Variants in TREH observed in about 807,000 individuals in gnomAD.
TREH encodes the protein alpha,alpha-trehalose glucohydrolase.
Under a neutral mutation model 80.5 loss-of-function variants are expected in TREH, and 69 were observed. The observed-to-expected ratio is 0.86, with a 90% CI of 0.71 to 1.05. The LOEUF (loss-of-function observed/expected upper bound fraction) is 1.05, where lower values mean the gene tolerates loss of function less well. TREH is among the 50% of genes least tolerant of loss of function. TREH has a pLI of 0.00. For missense variants in TREH, 716 were observed against 718.8 expected (o/e 1.00, Z 0.04); for synonymous variants, 309 against 293.5 (o/e 1.05, Z -0.54).
rs782820709 is a variant in TREH, at chr11:118,658,341, C to T, written c.1700G>A (p.Cys567Tyr). 6.3e-7 allele frequency: 1 copy of T among 1,598,476 alleles called. No individual in the cohort carries two copies. Among genetic ancestry groups the T allele is most frequent in the South Asian group, 1.1e-5 (1 of 88,310 alleles). ...GAKLAFLEPH[C>Y]LAATLLPSLL... ...GCTGGGCAGAAGGGTGGCCGCCAGGCAGTGGGGCTCCAGGAAAGCCAGCTT... is the reference window on the plus strand; with the variant it reads ...GCTGGGCAGAAGGGTGGCCGCCAGGTAGTGGGGCTCCAGGAAAGCCAGCTT... Residue 567 changes from cysteine (C) to tyrosine (Y), a missense_variant, in exon 15 of 15, where the codon TGC becomes TAC. Coordinates refer to ENST00000264029, the MANE Select transcript of TREH (RefSeq NM_007180.3).
At chr11:118,662,745 TG>T in intron 4 of TREH, 135 bp downstream of exon 4, 2 of 956,922 alleles carry the variant, frequency 2.1e-6, no homozygotes, top group Non-Finnish European at 3.1e-6. Context: ...GGCCTCTATT[TG>T]GGGACCCAGG....
Position 118,658,050 on chromosome 11 carries a change from G to C in TREH, c.*239C>G, listed in dbSNP as rs1374056341. ...GGAAGTGAGTGGAAGGCCGGTGTGG[G>C]GCTTGGCGCTGAGGCACTTGGGGAT... On this transcript the variant is annotated 3_prime_UTR_variant, in exon 15 of 15. Coordinates refer to ENST00000264029, the MANE Select transcript of TREH (RefSeq NM_007180.3). 76 of 561,408 alleles carry C rather than the reference G, an allele frequency of 1.4e-4. No homozygotes were observed. The highest frequency in any genetic ancestry group is 5.1e-4 in the South Asian group (19 of 37,548). 34.8% of individuals were successfully genotyped at this position (561,408 alleles called of 1,614,324 possible). A position where few individuals can be genotyped will look rare whatever the true frequency, so the allele number is the denominator to read the frequency against.
rs116607879 is a variant in TREH at position 118,672,947 on chromosome 11, T to C, written c.89+6592A>G. Among the ~76,000 whole-genome samples the C allele has an allele frequency of 5.0e-3, 756 of 152,194 alleles. 7 individuals carry two copies. Among genetic ancestry groups the C allele is most frequent in the African/African-American group, 0.017 (719 of 41,512 alleles). ...AAGAAAATGGTATAGTCATACCACA[T>C]TGGAAGAATTGTTAGTCATTGTCTC... On this transcript the variant is annotated intron_variant, in intron 1 of 14. Transcript: ENST00000264029.
intron 1 of TREH, among the ~76,000 whole-genome samples, chr11:118,679,155 C>T (rs1246923842): frequency 1.3e-5 from 2 of 152,108 alleles, no homozygotes; most frequent in Non-Finnish European, 2.9e-5. Flanking sequence ...AATGTCCCTT[C>T]CAACGGTGGA....
rs2137263267 is a variant in TREH at position 118,661,044 on chromosome 11, G to A, written c.857+116C>T. The A allele has an allele frequency of 3.8e-6, 6 of 1,564,282 alleles. No individual in the cohort carries two copies. Among genetic ancestry groups the A allele is most frequent in the South Asian group, 2.3e-5 (2 of 85,638 alleles). On this transcript the variant is annotated intron_variant, in intron 8 of 14. Transcript: ENST00000264029. The surrounding 1 kb of genome is among the most constrained non-coding windows in gnomAD (Gnocchi z 4.2). The stretch of plus-strand genomic sequence containing the variant: ...CAGCCCAGGATTGCAGAGGGCTCTC[G>A]GTGTCACCATCTGAGAGGCCAGGCT...
chr11:118,670,248 C>A (rs1949418735), intron 1 of TREH, among the ~76,000 whole-genome samples: 1 of 152,168 alleles, frequency 6.6e-6, no homozygotes, highest in African/African-American at 2.4e-5. Flanking sequence ...TTAGTATAAT[C>A]CATCTAGAGC....
intron 1 of TREH, among the ~76,000 whole-genome samples, chr11:118,664,862 A>T (rs1338655357): frequency 5.3e-5 from 8 of 152,142 alleles, no homozygotes; most frequent in African/African-American, 1.7e-4. Flanking sequence ...TAATCCCAGC[A>T]CTTTGGGAGG....
At chr11:118,675,087 C>T (rs600969) in intron 1 of TREH, among the ~76,000 whole-genome samples, 52,688 of 151,990 alleles carry the variant, frequency 0.35, 9,418 homozygotes, top group Admixed American at 0.47. Context: ...TGATCAATCA[C>T]CTCTAATTTC....
chr11:118,659,379 C>A lies in TREH; in HGVS notation c.1423G>T (p.Val475Phe). The change falls in exon 12 of 15, where the codon GTC becomes TTC. Residue 475 changes from valine (V) to phenylalanine (F), a missense_variant. Transcript: ENST00000264029. ...PNAWAPLQDL[V>F]IRGLAKAPLR... ...AGCCCTGCCTCCCTACCTCTGATGA[C>A]CAGGTCCTGCAGGGGGGCCCAGGCA... 6.3e-7 allele frequency: 1 copy of A among 1,578,196 alleles called. No individual in the cohort carries two copies. Among genetic ancestry groups the A allele is most frequent in the Non-Finnish European group, 8.6e-7 (1 of 1,161,194 alleles).
chr11:118,657,752 A>G lies in TREH; in HGVS notation c.*537T>C, dbSNP rs151114083. The G allele has an allele frequency of 4.7e-3, 747 of 157,602 alleles. 10 individuals carry two copies. Among genetic ancestry groups the G allele is most frequent in the South Asian group, 0.02 (106 of 5,200 alleles). The allele number at this position is 157,602 out of a possible 1,614,324, so 9.8% of individuals were successfully genotyped here. A position where few individuals can be genotyped will look rare whatever the true frequency, so the allele number is the denominator to read the frequency against. On this transcript the variant is annotated 3_prime_UTR_variant, in exon 15 of 15. Transcript: ENST00000264029. ...CCGACAGGGAAAGAGGATTCCTCCA[A>G]TGCTCCTAGAGAGAAAGCCTGAGCA...
intron 1 of TREH, among the ~76,000 whole-genome samples, chr11:118,671,166 A>G (rs1161025486): frequency 6.6e-6 from 1 of 152,078 alleles, no homozygotes; most frequent in East Asian, 1.9e-4. Flanking sequence ...TGTTAGCCCC[A>G]TTTTTGCTAG....
Position 118,659,882 on chromosome 11 carries a change from C to A in TREH, c.1185G>T (p.Gln395His). ...GGTCGTAATCGAACCAGGCTCCGGT[C>A]TGCTCATCCCACAGGACTGTGTTCA... ...AALNTVLWDE[Q>H]TGAWFDYDLE... is the part of the protein sequence containing the mutation. Residue 395 changes from glutamine to histidine, a missense_variant, in exon 11 of 15, where the codon CAG becomes CAT. Transcript: ENST00000264029. 1 of 1,552,026 alleles carries A rather than the reference C, an allele frequency of 6.4e-7. No individual in the cohort carries two copies. The highest frequency in any genetic ancestry group is 2.4e-5 in the East Asian group (1 of 40,952).
At chr11:118,671,713 C>A (rs1352230427) in intron 1 of TREH, among the ~76,000 whole-genome samples, 2 of 152,026 alleles carry the variant, frequency 1.3e-5, no homozygotes, top group Non-Finnish European at 2.9e-5. Context: ...GAACACCAAG[C>A]AGATTTAACC....
rs549859906 is a variant in TREH, at chr11:118,661,859, G to C, written c.524+31C>G. The C allele has an allele frequency of 2.6e-6, 4 of 1,568,408 alleles. No individual in the cohort carries two copies. The Admixed American group carries it at 7.7e-5, about 30-fold the overall frequency. ...TTCTCCACCACTGCCAGTCCTGCAG[G>C]CCCCTTGGTCTCTTGGGCCTGGGCG... On this transcript the variant is annotated intron_variant, in intron 5 of 14. Transcript: ENST00000264029. This position sits in a 1 kb window ranked among gnomAD's most constrained non-coding sequence, Gnocchi z 4.2.
chr11:118,659,639 G>T, intron 11 of TREH, 108 bp downstream of exon 11: 1 of 1,418,938 alleles, frequency 7.0e-7, no homozygotes, highest in Non-Finnish European at 9.6e-7. Context: ...CCGCAGGCTG[G>T]GACAAGGGGC....
intron 1 of TREH, among the ~76,000 whole-genome samples, chr11:118,669,002 T>C (rs923839165): frequency 1.3e-5 from 2 of 151,896 alleles, no homozygotes; most frequent in Non-Finnish European, 2.9e-5. Flanking sequence ...AAGAACTGAA[T>C]AGACATTACT....
rs1043449210 is a variant in TREH at position 118,662,663 on chromosome 11, G to A, written c.423+218C>T. 7.0e-6 allele frequency: 4 copies of A among 567,952 alleles called. No homozygotes were observed. The African/African-American group carries it at 7.5e-5, about 11-fold the overall frequency. The allele number at this position is 567,952 out of a possible 1,614,324, so 35.2% of individuals were successfully genotyped here. ...GGCTAGGGTTTCCTGGGGAGGCTAG[G>A]GAGCCTTCCTGGAGGAGGCGAGATG... On this transcript the variant is annotated intron_variant, in intron 4 of 14. Transcript: ENST00000264029.
In TREH at chr11:118,661,404, G is replaced by C. The variant is rs372238200; in HGVS notation, c.723C>G (p.Thr241=). The change falls in exon 7 of 15, where the codon ACC becomes ACG. Residue 241 remains threonine, a synonymous_variant. Coordinates refer to ENST00000264029, the MANE Select transcript of TREH (RefSeq NM_007180.3). This position sits in a 1 kb window ranked among gnomAD's most constrained non-coding sequence, Gnocchi z 4.2. The stretch of plus-strand genomic sequence containing the variant: ...AGGGTGGTACCCACTGTAGAAAGGC[G>C]GTGTCATTGGTGTGAGTCAAGTAGC... ...MDCYLTHTND[T]AFLQENIETL... is the part of the protein sequence containing the mutation. 69 of 1,613,924 alleles carry C rather than the reference G, an allele frequency of 4.3e-5. No individual in the cohort carries two copies. In the African/African-American group the frequency reaches 8.5e-4, roughly 20 times the overall value.
At chr11:118,659,693 C>A in intron 11 of TREH, 54 bp downstream of exon 11, 1 of 1,540,498 alleles carries the variant, frequency 6.5e-7, no homozygotes, top group South Asian at 1.2e-5. Context: ...TGTTCAGGGT[C>A]GGGAGGGGGC....
Sources: allele counts gnomAD v4.1 joint callset (sites outside exome capture counted in the v4.1 genomes callset), GRCh38; gene constraint gnomAD v4.1.1; non-coding constraint Gnocchi (gnomAD v3.1); transcripts MANE v1.5; gene names NCBI Gene and HGNC (gene_info 2026-07-23, HGNC 2026-07-21).